TJP1: variants seen among roughly 807,000 people sequenced by gnomAD.
The protein encoded by TJP1 is tight junction protein ZO-1.
TJP1 carries 43 observed loss-of-function variants against 194.2 expected under a neutral mutation model. The observed-to-expected ratio is 0.22, with a 90% CI of 0.17 to 0.29. The LOEUF (loss-of-function observed/expected upper bound fraction) is 0.29. TJP1 is among the 10% of genes least tolerant of loss of function. The probability of loss-of-function intolerance (pLI) is 1.00; values close to 1 mark genes in which losing one functional copy is unlikely to be tolerated. For synonymous variants in TJP1, 801 were observed against 779.0 expected (o/e 1.03, Z -0.47); for missense variants, 1,971 against 2,185.7 (o/e 0.90, Z 1.96).
intron 2 of TJP1, among the ~76,000 whole-genome samples, chr15:29,869,795 C>CTTTTTTTT (rs11318770): frequency 3.9e-3 from 221 of 56,082 alleles, no homozygotes; most frequent in Non-Finnish European, 4.5e-3. Context: ...TTCTTTCTTT[C>CTTTTTTTT]TTTTTTTTTT....
At chr15:29,846,888 T>C (rs1028731674) in intron 2 of TJP1, among the ~76,000 whole-genome samples, 6 of 151,662 alleles carry the variant, frequency 4.0e-5, no homozygotes, top group South Asian at 4.2e-4. Flanking sequence ...ATGGTGCCAC[T>C]GCACTCCAGC....
intron 2 of TJP1, among the ~76,000 whole-genome samples, chr15:29,784,900 G>A (rs552531930): frequency 6.6e-6 from 1 of 152,100 alleles, no homozygotes; most frequent in South Asian, 2.1e-4. Context: ...ATGATAGCAT[G>A]TGCAAAAAAA....
At position 29,718,629 on chromosome 15, in the gene TJP1, G is replaced by A. The variant is rs752949278; in HGVS notation, c.3513C>T (p.Leu1171=). ...AAGGGTGGGGCTGGGCTTCCGGTCT[G>A]AGTCTACCATGTGTGTCATACCCAG... ...PAPGYDTHGR[L]RPEAQPHPSA... is the part of the protein sequence containing the mutation. Residue 1171 remains leucine (L), a synonymous_variant, in exon 21 of 28, where the codon CTC becomes CTT. Coordinates refer to ENST00000614355, the MANE Select transcript of TJP1 (RefSeq NM_001330239.4). 6.2e-7 allele frequency: 1 copy of A among 1,614,072 alleles called. No individual in the cohort carries two copies. Among genetic ancestry groups the A allele is most frequent in the African/African-American group, 1.3e-5 (1 of 74,922 alleles).
At chr15:29,719,382 T>C (rs1013553354) in intron 20 of TJP1, among the ~76,000 whole-genome samples, 4 of 152,316 alleles carry the variant, frequency 2.6e-5, no homozygotes, top group Middle Eastern at 3.4e-3. Flanking sequence ...AAGATAAATA[T>C]TAAATTTAGT....
At chr15:29,896,889 T>A (rs192164746) in intron 2 of TJP1, among the ~76,000 whole-genome samples, 2 of 152,222 alleles carry the variant, frequency 1.3e-5, no homozygotes, top group Admixed American at 1.3e-4. Context: ...ATTCAAGAAG[T>A]GACTTGGGTG....
At chr15:29,757,566 T>C (rs1352208452) in intron 8 of TJP1, among the ~76,000 whole-genome samples, 2 of 152,194 alleles carry the variant, frequency 1.3e-5, no homozygotes, top group Non-Finnish European at 2.9e-5. Context: ...TTACAGGATT[T>C]GAAGATTCAA....
At chr15:29,968,073 T>C (rs2056390501) in intron 1 of TJP1, 2 of 985,318 alleles carry the variant, frequency 2.0e-6, no homozygotes, top group Admixed American at 1.2e-4. Context: ...CAGACATTTT[T>C]CTTTAAGGAT....
At position 29,818,221 on chromosome 15, in the gene TJP1, AATCTT is replaced by A. The variant is rs200215490; in HGVS notation, c.27+3776_27+3780del. 6.8e-3 allele frequency among the ~76,000 whole-genome samples: 1,040 copies of A among 152,376 alleles called. 10 individuals carry two copies. The highest frequency in any genetic ancestry group is 0.023 in the African/African-American group (975 of 41,590). Reference sequence around the variant, plus strand: ...ATCTAATAAGCATATACAATAGCACAATCTTAAATTAAATTTTATTGCTTCCTCCA... The same window carrying A: ...ATCTAATAAGCATATACAATAGCACAAAATTAAATTTTATTGCTTCCTCCA... On this transcript the variant is annotated intron_variant, in intron 1 of 27. Coordinates refer to ENST00000614355, the MANE Select transcript of TJP1 (RefSeq NM_001330239.4).
chr15:29,914,051 G>T (rs535571765), intron 2 of TJP1, among the ~76,000 whole-genome samples: 2 of 152,116 alleles, frequency 1.3e-5, no homozygotes, highest in African/African-American at 4.8e-5. Context: ...GATGGTATCT[G>T]CCTCTGTCAC....
At chr15:29,934,621 G>A (rs962401383) in intron 2 of TJP1, among the ~76,000 whole-genome samples, 1 of 152,126 alleles carries the variant, frequency 6.6e-6, no homozygotes, top group Non-Finnish European at 1.5e-5. Flanking sequence ...AAACAAGAAT[G>A]CTTATTGACC....
chr15:29,878,846 C>T (rs934920081), intron 2 of TJP1, among the ~76,000 whole-genome samples: 2 of 152,130 alleles, frequency 1.3e-5, no homozygotes, highest in African/African-American at 2.4e-5. Context: ...CCATGCTGGC[C>T]GGGCGCGGTG....
chr15:29,727,274 G>A (rs565971995), intron 16 of TJP1, among the ~76,000 whole-genome samples: 1 of 151,348 alleles, frequency 6.6e-6, no homozygotes, highest in Non-Finnish European at 1.5e-5. Context: ...AACCTGAGAG[G>A]TAGAGGCTAC....
chr15:29,833,567 T>C (rs2050903283), intron 2 of TJP1, among the ~76,000 whole-genome samples: 1 of 151,720 alleles, frequency 6.6e-6, no homozygotes, highest in Admixed American at 6.6e-5. Flanking sequence ...CTAATGTTTG[T>C]ATTTTTAGTA....
At chr15:29,818,010 TAAAAAA>T (rs879780459) in intron 1 of TJP1, among the ~76,000 whole-genome samples, 2 of 141,080 alleles carry the variant, frequency 1.4e-5, no homozygotes, top group East Asian at 4.0e-4. Flanking sequence ...AGAACTTAAT[TAAAAAA>T]AAAAAAGCCC....
chr15:29,897,858 C>T (rs1045048614), intron 2 of TJP1, among the ~76,000 whole-genome samples: 6 of 152,142 alleles, frequency 3.9e-5, no homozygotes, highest in Non-Finnish European at 5.9e-5. Flanking sequence ...TGTATTTACC[C>T]GATGCTGCTA....
At chr15:29,740,611 G>A (rs1291723955) in intron 10 of TJP1, among the ~76,000 whole-genome samples, 4 of 151,518 alleles carry the variant, frequency 2.6e-5, no homozygotes, top group African/African-American at 4.8e-5. Context: ...CAGCCTGGGC[G>A]ACAGAGCAAG....
intron 15 of TJP1, among the ~76,000 whole-genome samples, chr15:29,730,113 G>A (rs1042873133): frequency 7.9e-5 from 12 of 152,104 alleles, no homozygotes; most frequent in African/African-American, 2.7e-4. Flanking sequence ...CTATGAAAAA[G>A]AAAAATTGGA....
chr15:29,773,169 C>G lies in TJP1; in HGVS notation c.209+64G>C, dbSNP rs16955763. On this transcript the variant is annotated intron_variant, in intron 3 of 27. Coordinates refer to ENST00000614355, the MANE Select transcript of TJP1 (RefSeq NM_001330239.4). The stretch of plus-strand genomic sequence containing the variant: ...ATCACTAAGACAGTGTAAGACAGTA[C>G]GCCAGTGCCTGAGGAGAGGAACACT... 4.3e-3 allele frequency: 6,914 copies of G among 1,589,532 alleles called. 287 individuals carry two copies. In the East Asian group the frequency reaches 0.1, roughly 24 times the overall value.
At chr15:29,924,323 G>A (rs1429953021) in intron 2 of TJP1, among the ~76,000 whole-genome samples, 2 of 152,004 alleles carry the variant, frequency 1.3e-5, no homozygotes, top group Non-Finnish European at 2.9e-5. Context: ...TGCCCATCTC[G>A]GCCTCCCAAC....
Sources: allele counts gnomAD v4.1 joint callset (sites outside exome capture counted in the v4.1 genomes callset), GRCh38; gene constraint gnomAD v4.1.1; transcripts MANE v1.5; gene names NCBI Gene and HGNC (gene_info 2026-07-23, HGNC 2026-07-21).